The following TAMM41 variants were observed in gnomAD, a reference collection of about 807,000 sequenced individuals.
TAMM41 encodes phosphatidate cytidylyltransferase, mitochondrial.
Under a neutral mutation model 44.1 loss-of-function variants are expected in TAMM41, and 36 were observed. The observed-to-expected ratio is 0.82, with a 90% CI of 0.63 to 1.08. The LOEUF is 1.08. TAMM41 is among the 50% of genes least tolerant of loss of function. The pLI, the probability that TAMM41 is intolerant of heterozygous loss-of-function variation, is 0.00. For synonymous variants in TAMM41, 164 were observed against 153.1 expected (o/e 1.07, Z -0.53); for missense variants, 417 against 404.3 (o/e 1.03, Z -0.27).
At chr3:11,799,740 A>ATTC (rs2077700231) in intron 7 of TAMM41, among the ~76,000 whole-genome samples, 1 of 152,218 alleles carries the variant, frequency 6.6e-6, no homozygotes, top group African/African-American at 2.4e-5. Context: ...AAGAGACCCA[A>ATTC]TGACCCCCAG....
chr3:11,789,943 C>T (rs964380359), downstream of TAMM41, among the ~76,000 whole-genome samples: 12 of 152,292 alleles, frequency 7.9e-5, no homozygotes, highest in South Asian at 8.3e-4. Context: ...TGCCCAAACA[C>T]GTCCTAACTG....
intron 7 of TAMM41, among the ~76,000 whole-genome samples, chr3:11,802,341 T>A (rs1478474956): frequency 1.3e-5 from 2 of 151,436 alleles, no homozygotes; most frequent in South Asian, 4.2e-4. Flanking sequence ...GAGATACAAA[T>A]AAACACAATC....
intron 3 of TAMM41, 120 bp downstream of exon 3, chr3:11,839,102 A>T (rs2079315342): frequency 1.7e-6 from 1 of 593,340 alleles, no homozygotes; most frequent in African/African-American, 1.9e-5. Context: ...AGGGAATAGG[A>T]AGAGTCAGAA....
At chr3:11,764,555 C>T in the TAMM41 span, among the ~76,000 whole-genome samples, 737 of 132,104 alleles carry the variant, frequency 5.6e-3, 46 homozygotes, top group East Asian at 0.15. Context: ...TTCAGTGGCG[C>T]GATCTCGGCT....
At chr3:11,739,671 CAAAAAAAA>C in the TAMM41 span, among the ~76,000 whole-genome samples, 9 of 53,458 alleles carry the variant, frequency 1.7e-4, no homozygotes, top group Admixed American at 2.9e-4. Context: ...GACTCCATCT[CAAAAAAAA>C]AAAAAAAAAA....
rs568355424 is a variant in TAMM41 at position 11,793,390 on chromosome 3, A to C, written c.938-2809T>G. 7.9e-5 allele frequency among the ~76,000 whole-genome samples: 12 copies of C among 152,304 alleles called. 1 individual carries two copies. The South Asian group carries it at 2.3e-3, about 29-fold the overall frequency. ...GCATTCAGGGAGGTGCTGCAACAGA[A>C]GCTCTGCTAGTGCAAGTATAAATGT... On this transcript the variant is annotated intron_variant, in intron 7 of 7. Coordinates refer to ENST00000455809, the MANE Select transcript of TAMM41 (RefSeq NM_001284401.2).
chr3:11,821,662 T>C (rs1301657541), intron 4 of TAMM41, among the ~76,000 whole-genome samples: 1 of 152,212 alleles, frequency 6.6e-6, no homozygotes, highest in Non-Finnish European at 1.5e-5. Context: ...ATGATATGTA[T>C]ATAGCATAGT....
At chr3:11,814,382 A>C (rs1176806190) in intron 5 of TAMM41, among the ~76,000 whole-genome samples, 2 of 152,168 alleles carry the variant, frequency 1.3e-5, no homozygotes, top group African/African-American at 4.8e-5. Context: ...ATGCATCCAT[A>C]ATACAAGAAT....
rs140274070 is a variant in TAMM41, at chr3:11,839,882, T to C, written c.319-568A>G. Reference sequence around the variant, plus strand: ...GTCCAGAGGTCACAAGACTTGTGAGTTCTCCAATTAATCCTATAGATAACA... The same window carrying C: ...GTCCAGAGGTCACAAGACTTGTGAGCTCTCCAATTAATCCTATAGATAACA... On this transcript the variant is annotated intron_variant, in intron 2 of 7. Coordinates refer to ENST00000455809, the MANE Select transcript of TAMM41 (RefSeq NM_001284401.2). Among the ~76,000 whole-genome samples, 265 of 152,064 alleles carry C rather than the reference T, an allele frequency of 1.7e-3. 3 individuals carry two copies. Among genetic ancestry groups the C allele is most frequent in the Non-Finnish European group, 3.2e-3 (216 of 67,970 alleles).
the TAMM41 span, among the ~76,000 whole-genome samples, chr3:11,763,979 T>C: frequency 6.6e-6 from 1 of 152,176 alleles, no homozygotes; most frequent in Admixed American, 6.6e-5. Context: ...ATTTATTACG[T>C]GTCTCTCTGT....
rs60001231 is a variant in TAMM41, at chr3:11,807,110, C to A, written c.937+723G>T. The A allele has an allele frequency of 1.5e-3, 1,404 of 937,472 alleles. 10 individuals carry two copies. In the African/African-American group the frequency reaches 0.021, roughly 14 times the overall value. The allele number at this position is 937,472 out of a possible 1,614,324, so 58.1% of individuals were successfully genotyped here. A position where few individuals can be genotyped will look rare whatever the true frequency, so the allele number is the denominator to read the frequency against. On this transcript the variant is annotated intron_variant, in intron 7 of 7. Transcript: ENST00000455809. ...GCTTCACCAAAATGAGAGTGTGCAC[C>A]AAGCAAGTGAAAGACATGAGATACA...
chr3:11,780,048 T>G, the TAMM41 span, among the ~76,000 whole-genome samples: 2 of 152,158 alleles, frequency 1.3e-5, no homozygotes, highest in South Asian at 4.1e-4. Flanking sequence ...ATCTCTCAAC[T>G]AGATGACTAC....
At chr3:11,758,659 G>A in the TAMM41 span, among the ~76,000 whole-genome samples, 1 of 149,190 alleles carries the variant, frequency 6.7e-6, no homozygotes, top group Non-Finnish European at 1.5e-5. Flanking sequence ...CCAGATCTGT[G>A]TATTTTTAGT....
At chr3:11,831,640 A>G (rs1314246338) in intron 3 of TAMM41, among the ~76,000 whole-genome samples, 1 of 152,246 alleles carries the variant, frequency 6.6e-6, no homozygotes, top group Non-Finnish European at 1.5e-5. Context: ...CACTATGAGA[A>G]ACTCCAAAAT....
intron 5 of TAMM41, among the ~76,000 whole-genome samples, chr3:11,810,602 TC>T (rs1256908967): frequency 6.6e-6 from 1 of 152,198 alleles, no homozygotes; most frequent in Admixed American, 6.5e-5. Context: ...CTGTCTTGTA[TC>T]CTTTTAACAA....
the TAMM41 span, among the ~76,000 whole-genome samples, chr3:11,741,621 C>T: frequency 6.7e-6 from 1 of 150,176 alleles, no homozygotes; most frequent in Non-Finnish European, 1.5e-5. Context: ...ACAGCAAAAC[C>T]AGCACAAATT....
At chr3:11,754,513 G>A in the TAMM41 span, among the ~76,000 whole-genome samples, 34 of 149,892 alleles carry the variant, frequency 2.3e-4, 1 homozygote, top group Non-Finnish European at 3.0e-5. Context: ...AGCTGGTGCA[G>A]TCCATCACGT....
intron 5 of TAMM41, chr3:11,809,930 C>G (rs1271812365): frequency 2.8e-6 from 1 of 359,440 alleles, no homozygotes; most frequent in Non-Finnish European, 4.9e-6. Context: ...AGAATAGAAG[C>G]CACTCTCAAG....
At chr3:11,746,380 G>A in the TAMM41 span, among the ~76,000 whole-genome samples, 1 of 151,476 alleles carries the variant, frequency 6.6e-6, no homozygotes, top group African/African-American at 2.4e-5. Flanking sequence ...TTACCCAAGA[G>A]AAATGTAATG....
Sources: gnomAD v4.1 joint callset for allele counts (sites outside exome capture counted in the v4.1 genomes callset) on GRCh38, gnomAD v4.1.1 for gene constraint, MANE v1.5 for transcripts, NCBI Gene and HGNC (gene_info 2026-07-23, HGNC 2026-07-21) for gene names.